The following GPM6A variants were observed in gnomAD, a reference collection of about 807,000 sequenced individuals.
GPM6A encodes glycoprotein M6A, also known as neuronal membrane glycoprotein M6-a.
Under a neutral mutation model 32.1 loss-of-function variants are expected in GPM6A, and 7 were observed. The observed-to-expected ratio is 0.22, with a 90% CI of 0.12 to 0.41. GPM6A has a LOEUF of 0.41. Among genes scored for constraint, GPM6A ranks in the 10% least tolerant of loss-of-function variants. The pLI is 1.00. For missense variants in GPM6A, 235 were observed against 347.2 expected (o/e 0.68, Z 2.57); for synonymous variants, 130 against 123.4 (o/e 1.05, Z -0.35).
chr4:175,865,812 T>A (rs1401209390), intron 1 of GPM6A, among the ~76,000 whole-genome samples: 1 of 152,178 alleles, frequency 6.6e-6, no homozygotes, highest in Admixed American at 6.5e-5. Flanking sequence ...TTCTTTGGAT[T>A]TTCTTTGATT....
intron 1 of GPM6A, among the ~76,000 whole-genome samples, chr4:175,929,154 G>A (rs1344961796): frequency 6.6e-6 from 1 of 152,196 alleles, no homozygotes; most frequent in Non-Finnish European, 1.5e-5. Context: ...AGAAAAACCA[G>A]TGAATTTTAA....
intron 3 of GPM6A, among the ~76,000 whole-genome samples, chr4:175,654,644 A>G (rs1313037232): frequency 6.8e-6 from 1 of 147,946 alleles, no homozygotes; most frequent in Non-Finnish European, 1.5e-5. Flanking sequence ...AAAGTTATTC[A>G]AAATGAGCTC....
At chr4:175,922,113 TGGAGCTTCTAATACATCA>T (rs1414600671) in intron 1 of GPM6A, among the ~76,000 whole-genome samples, 2 of 152,174 alleles carry the variant, frequency 1.3e-5, no homozygotes, top group Non-Finnish European at 1.5e-5. Flanking sequence ...TTATGTAAAA[TGGAGCTTCTAATACATCA>T]GGATTAATGT....
intron 1 of GPM6A, among the ~76,000 whole-genome samples, chr4:175,956,001 C>T (rs1011574931): frequency 6.6e-6 from 1 of 152,172 alleles, no homozygotes; most frequent in African/African-American, 2.4e-5. Flanking sequence ...GCTGAACCCT[C>T]ACCAGAGACC....
intron 1 of GPM6A, among the ~76,000 whole-genome samples, chr4:175,826,362 T>C (rs1018120553): frequency 6.6e-6 from 1 of 151,572 alleles, no homozygotes; most frequent in African/African-American, 2.4e-5. Flanking sequence ...TATCGTGAAT[T>C]AGGGACAAGA....
intron 1 of GPM6A, among the ~76,000 whole-genome samples, chr4:175,991,503 A>G (rs1011431091): frequency 2.6e-5 from 4 of 152,176 alleles, no homozygotes; most frequent in African/African-American, 9.7e-5. Context: ...GAAAACTGAA[A>G]AAAAGAATGC....
intron 1 of GPM6A, among the ~76,000 whole-genome samples, chr4:175,756,109 T>G (rs1442771637): frequency 2.0e-5 from 3 of 152,090 alleles, no homozygotes; most frequent in African/African-American, 7.2e-5. Context: ...ATTTAGGTGA[T>G]TAAGATCTAG....
intron 1 of GPM6A, among the ~76,000 whole-genome samples, chr4:175,817,727 G>C (rs1427910927): frequency 2.0e-5 from 3 of 152,108 alleles, no homozygotes; most frequent in Non-Finnish European, 4.4e-5. Context: ...CCTATGGAGG[G>C]GGAGACATAC....
At position 175,741,439 on chromosome 4, in the gene GPM6A, G is replaced by C. The variant is rs184406020; in HGVS notation, c.38-39672C>G. On this transcript the variant is annotated intron_variant, in intron 1 of 6. Transcript: ENST00000393658. ...CATTGCCACCATTCTTAGTTTTAAC[G>C]TATGTATCTGAGGATATAATTGCTA... Among the ~76,000 whole-genome samples the C allele has an allele frequency of 5.9e-5, 9 of 152,084 alleles. No individual in the cohort carries two copies. In the East Asian group the frequency reaches 1.4e-3, roughly 23 times the overall value.
At chr4:175,757,710 A>G (rs1329495823) in intron 1 of GPM6A, among the ~76,000 whole-genome samples, 1 of 152,186 alleles carries the variant, frequency 6.6e-6, no homozygotes, top group Admixed American at 6.6e-5. Flanking sequence ...GGAAAAAGAC[A>G]TGTAATGAGA....
intron 1 of GPM6A, among the ~76,000 whole-genome samples, chr4:175,775,314 T>C (rs1733350584): frequency 6.6e-6 from 1 of 152,074 alleles, no homozygotes; most frequent in African/African-American, 2.4e-5. Context: ...CCCAGATATT[T>C]TGTAGTGCTG....
At chr4:175,941,333 C>T (rs1739397700) in intron 1 of GPM6A, among the ~76,000 whole-genome samples, 1 of 152,012 alleles carries the variant, frequency 6.6e-6, no homozygotes, top group Non-Finnish European at 1.5e-5. Context: ...AAGCCTTCAT[C>T]TTTTAAAAAA....
At position 175,949,157 on chromosome 4, in the gene GPM6A, G is replaced by T. The variant is rs187333723; in HGVS notation, c.-23+53152C>A. 4.2e-4 allele frequency among the ~76,000 whole-genome samples: 64 copies of T among 152,142 alleles called. 1 individual carries two copies. The highest frequency in any genetic ancestry group is 1.3e-3 in the African/African-American group (55 of 41,498). ...AAGAAATACTCAGAAATATCAAAAG[G>T]AGTTATCCATGGGTAGTGTGATAAG... On this transcript the variant is annotated intron_variant, in intron 1 of 7. Transcript: ENST00000280187.
At chr4:175,962,545 CT>C in intron 1 of GPM6A, 1 of 459,984 alleles carries the variant, frequency 2.2e-6, no homozygotes, top group South Asian at 1.8e-5. Flanking sequence ...CATCCCTGTA[CT>C]CTCTGCTCTG....
intron 1 of GPM6A, among the ~76,000 whole-genome samples, chr4:175,732,158 G>C (rs1334876090): frequency 3.3e-5 from 5 of 151,698 alleles, no homozygotes; most frequent in African/African-American, 4.8e-5. Context: ...GTAGAGACAG[G>C]ATTTCACCAT....
At chr4:175,832,718 C>G (rs1010468620) in intron 1 of GPM6A, among the ~76,000 whole-genome samples, 1 of 152,186 alleles carries the variant, frequency 6.6e-6, no homozygotes, top group African/African-American at 2.4e-5. Flanking sequence ...TGCAAGATTT[C>G]TATTCTACTC....
At chr4:175,996,478 A>C (rs1223449999) in intron 1 of GPM6A, among the ~76,000 whole-genome samples, 1 of 152,192 alleles carries the variant, frequency 6.6e-6, no homozygotes, top group African/African-American at 2.4e-5. Flanking sequence ...ATGCTAATTG[A>C]CCTACATTCC....
rs10548625 is a variant in GPM6A at position 175,838,112 on chromosome 4, G to GACACAC, written c.-22-25869_-22-25864dup. Among the ~76,000 whole-genome samples the GACACAC allele has an allele frequency of 3.5e-3, 490 of 141,972 alleles. 6 individuals are homozygous for GACACAC. The highest frequency in any genetic ancestry group is 0.012 in the African/African-American group (461 of 38,404). 93.1% of individuals were successfully genotyped at this position (141,972 alleles called of 152,430 possible). A position where few individuals can be genotyped will look rare whatever the true frequency, so the allele number is the denominator to read the frequency against. On this transcript the variant is annotated intron_variant, in intron 1 of 7. Coordinates refer to the GPM6A transcript ENST00000280187. Reference sequence around the variant, plus strand: ...TAAAACACACACACACACACACACAGACACACACACACACACACACACACA... The same window carrying GACACAC: ...TAAAACACACACACACACACACACAGACACACACACACACACACACACACACACACA...
chr4:175,970,581 C>A (rs1476537088), intron 1 of GPM6A, among the ~76,000 whole-genome samples: 1 of 152,106 alleles, frequency 6.6e-6, no homozygotes, highest in Non-Finnish European at 1.5e-5. Context: ...AAGACAAATT[C>A]TTTCTAAGCT....
Sources: allele counts gnomAD v4.1 joint callset (sites outside exome capture counted in the v4.1 genomes callset), GRCh38; gene constraint gnomAD v4.1.1; transcripts MANE v1.5; gene names NCBI Gene and HGNC (gene_info 2026-07-23, HGNC 2026-07-21).